Variants in RORB observed in about 807,000 individuals in gnomAD.
The protein encoded by RORB is RAR related orphan receptor B, also known as nuclear receptor ROR-beta.
In RORB, 6 loss-of-function variants were observed where a neutral mutation model predicts 59.1. The ratio of observed to expected loss-of-function variants is 0.10; its 90% CI spans 0.06 to 0.20. RORB has a LOEUF of 0.20. Among genes scored for constraint, RORB ranks in the 10% least tolerant of loss-of-function variants. The pLI is 1.00. For synonymous variants in RORB, 215 were observed against 204.5 expected (o/e 1.05, Z -0.44); for missense variants, 320 against 560.5 (o/e 0.57, Z 4.33).
chr9:74,537,081 T>C (rs1826332509), intron 1 of RORB, among the ~76,000 whole-genome samples: 1 of 152,054 alleles, frequency 6.6e-6, no homozygotes, highest in African/African-American at 2.4e-5. Flanking sequence ...GTTAAGTGAC[T>C]TATTTCAAGT....
intron 1 of RORB, among the ~76,000 whole-genome samples, chr9:74,607,111 G>A (rs531211415): frequency 9.9e-5 from 15 of 152,228 alleles, no homozygotes; most frequent in African/African-American, 1.7e-4. Context: ...CTCATCCTGC[G>A]ATGTTGCATA....
At chr9:74,621,000 A>T (rs899802671) in intron 1 of RORB, among the ~76,000 whole-genome samples, 1 of 152,196 alleles carries the variant, frequency 6.6e-6, no homozygotes, top group Non-Finnish European at 1.5e-5. Context: ...CTTTAGATTT[A>T]CAAAATAATT....
intron 4 of RORB, among the ~76,000 whole-genome samples, chr9:74,655,866 G>A (rs373394731): frequency 3.9e-5 from 6 of 152,264 alleles, no homozygotes; most frequent in South Asian, 4.1e-4. Context: ...GGGTCAAGTC[G>A]GTTTTTGCAC....
At chr9:74,652,611 C>A (rs1005239614) in intron 4 of RORB, among the ~76,000 whole-genome samples, 1 of 151,944 alleles carries the variant, frequency 6.6e-6, no homozygotes, top group Non-Finnish European at 1.5e-5. Flanking sequence ...TAGTATCTTA[C>A]ATTTTGTCAA....
chr9:74,612,486 CCTT>C (rs1458430212), intron 1 of RORB, among the ~76,000 whole-genome samples: 1 of 152,170 alleles, frequency 6.6e-6, no homozygotes, highest in East Asian at 1.9e-4. Flanking sequence ...TAGCCATCCT[CCTT>C]CTTTCCTGAA....
intron 1 of RORB, among the ~76,000 whole-genome samples, chr9:74,616,365 A>G (rs139930239): frequency 2.8e-3 from 428 of 152,324 alleles, no homozygotes; most frequent in South Asian, 4.8e-3. Context: ...GCATTGTTCA[A>G]AAAAGTTCCT....
intron 1 of RORB, among the ~76,000 whole-genome samples, chr9:74,578,376 T>C (rs1180433954): frequency 6.6e-6 from 1 of 152,154 alleles, no homozygotes; most frequent in Non-Finnish European, 1.5e-5. Context: ...TGAACATCTT[T>C]CTAGAGATGG....
chr9:74,621,825 A>T (rs1823424644), intron 1 of RORB, among the ~76,000 whole-genome samples: 1 of 152,160 alleles, frequency 6.6e-6, no homozygotes, highest in Non-Finnish European at 1.5e-5. Flanking sequence ...ATGACATATG[A>T]TATTCAGCAT....
intron 4 of RORB, 99 bp from the exon 5 acceptor site, chr9:74,660,518 G>A (rs996323080): frequency 3.9e-6 from 4 of 1,028,056 alleles, no homozygotes; most frequent in Non-Finnish European, 5.6e-6. Flanking sequence ...TAATACAATA[G>A]GAGTATCTCC....
At chr9:74,527,035 A>G (rs1826164947) in intron 1 of RORB, among the ~76,000 whole-genome samples, 1 of 152,004 alleles carries the variant, frequency 6.6e-6, no homozygotes, top group Non-Finnish European at 1.5e-5. Context: ...AGCTACTCTC[A>G]AAAGACAACT....
chr9:74,588,262 A>G (rs1822836538), intron 1 of RORB, among the ~76,000 whole-genome samples: 1 of 152,166 alleles, frequency 6.6e-6, no homozygotes, highest in Non-Finnish European at 1.5e-5. Context: ...CTGGAAATTG[A>G]AGGATTTGGG....
chr9:74,661,848 T>C (rs904948520), intron 5 of RORB, among the ~76,000 whole-genome samples: 1 of 151,846 alleles, frequency 6.6e-6, no homozygotes, highest in Non-Finnish European at 1.5e-5. Flanking sequence ...GGTTTCACCA[T>C]GTTAGCCAGG....
chr9:74,667,910 G>C lies in RORB; in HGVS notation c.1111+9G>C, dbSNP rs769333914. ...TGTTCTGATATCTCCAGGTAGGGCA[G>C]TCTCAGTTCTCTTACCTTTTTAAAA... On this transcript the variant is annotated intron_variant, in intron 8 of 9. Transcript: ENST00000376896. The C allele has an allele frequency of 1.6e-5, 24 of 1,529,104 alleles. No homozygotes were observed. Among genetic ancestry groups the C allele is most frequent in the Non-Finnish European group, 2.2e-5 (24 of 1,102,406 alleles). 94.7% of individuals were successfully genotyped at this position (1,529,104 alleles called of 1,614,324 possible).
At chr9:74,523,788 T>C (rs1826115500) in intron 1 of RORB, among the ~76,000 whole-genome samples, 1 of 151,910 alleles carries the variant, frequency 6.6e-6, no homozygotes, top group South Asian at 2.1e-4. Context: ...AATCTTTTGT[T>C]TCCTGTTGAA....
chr9:74,611,468 A>T (rs1764525881), intron 1 of RORB, among the ~76,000 whole-genome samples: 1 of 152,218 alleles, frequency 6.6e-6, no homozygotes, highest in African/African-American at 2.4e-5. Context: ...ACTATCTCTC[A>T]TCCCCACTAA....
At position 74,552,766 on chromosome 9, in the gene RORB, G is replaced by T. The variant is rs150763597; in HGVS notation, c.7+54783G>T. Among the ~76,000 whole-genome samples, 435 of 152,132 alleles carry T rather than the reference G, an allele frequency of 2.9e-3. 3 individuals are homozygous for T. The highest frequency in any genetic ancestry group is 9.5e-3 in the African/African-American group (394 of 41,516). ...AGTATAAGGCGGTCAATGCAGAGAAGATTTCTGCCCTCACAGAGAGACAGG... is the reference window on the plus strand; with the variant it reads ...AGTATAAGGCGGTCAATGCAGAGAATATTTCTGCCCTCACAGAGAGACAGG... On this transcript the variant is annotated intron_variant, in intron 1 of 9. Coordinates refer to ENST00000376896, the MANE Select transcript of RORB (RefSeq NM_006914.4).
intron 1 of RORB, among the ~76,000 whole-genome samples, chr9:74,565,543 A>T (rs1229895907): frequency 6.6e-6 from 1 of 152,182 alleles, no homozygotes; most frequent in Non-Finnish European, 1.5e-5. Context: ...GGTTTTGTTT[A>T]CTTTTAATTT....
chr9:74,617,211 G>A (rs757741437), intron 1 of RORB, among the ~76,000 whole-genome samples: 2 of 151,782 alleles, frequency 1.3e-5, no homozygotes, highest in African/African-American at 4.8e-5. Context: ...ACAAATTAAC[G>A]TATAAGAAAC....
chr9:74,673,051 G>A (rs1361878090), intron 9 of RORB, among the ~76,000 whole-genome samples: 3 of 152,152 alleles, frequency 2.0e-5, no homozygotes, highest in African/African-American at 7.2e-5. Flanking sequence ...CGCATCACTA[G>A]CAAGAACATT....
Sources: gnomAD v4.1 joint callset for allele counts (sites outside exome capture counted in the v4.1 genomes callset) on GRCh38, gnomAD v4.1.1 for gene constraint, MANE v1.5 for transcripts, NCBI Gene and HGNC (gene_info 2026-07-23, HGNC 2026-07-21) for gene names.